Variants in SCN9A observed in about 807,000 individuals in gnomAD.
The protein encoded by SCN9A is sodium voltage-gated channel alpha subunit 9, also known as sodium channel protein type 9 subunit alpha.
SCN9A carries 131 observed loss-of-function variants against 187.0 expected under a neutral mutation model. That is an observed-to-expected ratio of 0.70 (90% CI 0.61 to 0.81). SCN9A has a LOEUF of 0.81. SCN9A is among the 30% of genes least tolerant of loss of function. The probability of loss-of-function intolerance (pLI) is 0.00; values close to 1 mark genes in which losing one functional copy is unlikely to be tolerated. For synonymous variants in SCN9A, 809 were observed against 808.6 expected (o/e 1.00, Z -0.01); for missense variants, 2,252 against 2,396.6 (o/e 0.94, Z 1.26).
rs77154470 is a variant in SCN9A at position 166,355,536 on chromosome 2, C to T, written c.-51+20161G>A. ...GTGTGTGTGTGGGTGTGTGTGCACA[C>T]GCTAAGGATATTGATACCTTTTCAC... On this transcript the variant is annotated intron_variant, in intron 1 of 26. Coordinates refer to ENST00000642356, the MANE Select transcript of SCN9A (RefSeq NM_001365536.1). Among the ~76,000 whole-genome samples the T allele has an allele frequency of 7.0e-3, 1,058 of 151,480 alleles. 33 individuals carry two copies. In the East Asian group the frequency reaches 0.091, roughly 13 times the overall value.
intron 1 of SCN9A, among the ~76,000 whole-genome samples, chr2:166,364,528 G>A (rs1700367819): frequency 1.3e-5 from 2 of 152,038 alleles, no homozygotes; most frequent in Admixed American, 6.6e-5. Context: ...TATATGCTAC[G>A]ACCCGGATGA....
chr2:166,291,566 A>T (rs1441504609), intron 9 of SCN9A, among the ~76,000 whole-genome samples: 1 of 152,212 alleles, frequency 6.6e-6, no homozygotes, highest in South Asian at 2.1e-4. Flanking sequence ...AGAATTAGAA[A>T]ACTACTTTAA....
At chr2:166,363,436 T>C (rs906997457) in intron 1 of SCN9A, among the ~76,000 whole-genome samples, 1 of 152,040 alleles carries the variant, frequency 6.6e-6, no homozygotes, top group African/African-American at 2.4e-5. Context: ...CCTAAATTCA[T>C]TAACTAGCTA....
intron 7 of SCN9A, among the ~76,000 whole-genome samples, chr2:166,295,500 T>C (rs1559021411): frequency 6.6e-6 from 1 of 152,036 alleles, no homozygotes; most frequent in Non-Finnish European, 1.5e-5. Flanking sequence ...ACCTGTAGAG[T>C]GGGCTACTGT....
In SCN9A at chr2:166,280,669, G is replaced by T. The variant is rs191111440; in HGVS notation, c.2105-74C>A. 1.7e-4 allele frequency: 146 copies of T among 841,202 alleles called. 2 individuals carry two copies. The East Asian group carries it at 2.0e-3, about 11-fold the overall frequency. 52.1% of individuals were successfully genotyped at this position (841,202 alleles called of 1,614,324 possible). A position where few individuals can be genotyped will look rare whatever the true frequency, so the allele number is the denominator to read the frequency against. Reference sequence around the variant, plus strand: ...CTCCTAACCAGATACAAATCAGTCAGGCATTCTAATATTGAAACAAGGTTT... The same window carrying T: ...CTCCTAACCAGATACAAATCAGTCATGCATTCTAATATTGAAACAAGGTTT... On this transcript the variant is annotated intron_variant, in intron 13 of 26. Transcript: ENST00000642356.
intron 1 of SCN9A, among the ~76,000 whole-genome samples, chr2:166,334,793 T>TA (rs1159475046): frequency 6.6e-6 from 1 of 152,238 alleles, no homozygotes; most frequent in South Asian, 2.1e-4. Context: ...AATTTTGCAT[T>TA]AAAAAATACT....
intron 2 of SCN9A, among the ~76,000 whole-genome samples, chr2:166,310,832 C>G (rs6708467): frequency 0.081 from 6,015 of 73,988 alleles, 2,397 homozygotes; most frequent in African/African-American, 0.39. Flanking sequence ...CAATAGCAAA[C>G]ACTTGGAACC....
At chr2:166,257,816 A>G (rs957896375) in intron 17 of SCN9A, among the ~76,000 whole-genome samples, 1 of 151,534 alleles carries the variant, frequency 6.6e-6, no homozygotes, top group Admixed American at 6.6e-5. Flanking sequence ...ATCCTTATTT[A>G]GGCTCTAGTT....
intron 1 of SCN9A, among the ~76,000 whole-genome samples, chr2:166,336,344 T>C (rs1289489051): frequency 1.3e-5 from 2 of 152,170 alleles, no homozygotes; most frequent in African/African-American, 4.8e-5. Flanking sequence ...ATTTAGGCTG[T>C]CTTGACAAAG....
intron 17 of SCN9A, among the ~76,000 whole-genome samples, chr2:166,263,518 A>G (rs1696602330): frequency 1.3e-5 from 2 of 151,974 alleles, no homozygotes; most frequent in South Asian, 4.1e-4. Flanking sequence ...ATGCCACCAA[A>G]TTAAACTCTG....
In SCN9A at chr2:166,366,380, T is replaced by G. The variant is rs560705198; in HGVS notation, c.-51+9317A>C. On this transcript the variant is annotated intron_variant, in intron 1 of 26. Coordinates refer to ENST00000642356, the MANE Select transcript of SCN9A (RefSeq NM_001365536.1). ...TTCTTTTTTTAAGGCTAGATAATAT[T>G]CTATTTTATATACAGACCACATTTT... is the stretch of plus-strand genomic sequence containing the variant. Among the ~76,000 whole-genome samples, 7 of 152,292 alleles carry G rather than the reference T, an allele frequency of 4.6e-5. No homozygotes were observed. The East Asian group carries it at 1.4e-3, about 29-fold the overall frequency.
intron 26 of SCN9A, 50 bp downstream of exon 26, chr2:166,203,905 G>A: frequency 8.8e-7 from 1 of 1,134,758 alleles, no homozygotes; most frequent in Non-Finnish European, 1.3e-6. Context: ...GAGCATAAGT[G>A]AAGTTTAGCT....
chr2:166,251,441 A>T (rs1000747935), intron 18 of SCN9A, among the ~76,000 whole-genome samples: 1 of 152,096 alleles, frequency 6.6e-6, no homozygotes, highest in Admixed American at 6.6e-5. Context: ...AAAGGACCAG[A>T]GTACAGACTC....
chr2:166,368,686 T>TAAA (rs67339035), intron 1 of SCN9A, among the ~76,000 whole-genome samples: 9,252 of 134,472 alleles, frequency 0.069, 1,097 homozygotes, highest in African/African-American at 0.24. Context: ...GAAACTTAAT[T>TAAA]AAAAAAAAAA....
rs1196339793 is a variant in SCN9A at position 166,218,432 on chromosome 2, TA to T, written c.4398+8134del. On this transcript the variant is annotated intron_variant, in intron 24 of 26. Coordinates refer to ENST00000642356, the MANE Select transcript of SCN9A (RefSeq NM_001365536.1). ...AATAAAAAAATAAATAAATAAAAAATAAAAAAGTGAGAAGTCAACATTACAG... is the reference window on the plus strand; with the variant it reads ...AATAAAAAAATAAATAAATAAAAAATAAAAAGTGAGAAGTCAACATTACAG... Among the ~76,000 whole-genome samples, 30 of 143,144 alleles carry T rather than the reference TA, an allele frequency of 2.1e-4. No individual in the cohort carries two copies. In the East Asian group the frequency reaches 3.6e-3, roughly 17 times the overall value. 93.9% of individuals were successfully genotyped at this position (143,144 alleles called of 152,430 possible).
intron 22 of SCN9A, among the ~76,000 whole-genome samples, 178 bp downstream of exon 22, chr2:166,228,500 GCCCACCTTGGCCT>G: frequency 6.6e-6 from 1 of 151,946 alleles, no homozygotes; most frequent in Non-Finnish European, 1.5e-5. Context: ...CTCATGATCT[GCCCACCTTGGCCT>G]CCCAAAGTGA....
chr2:166,205,236 G>A (rs1693741473), intron 24 of SCN9A: 1 of 152,198 alleles, frequency 6.6e-6, no homozygotes, highest in Non-Finnish European at 1.5e-5. Flanking sequence ...AAAGCTGGAG[G>A]CGTCACACTA....
At chr2:166,352,742 G>A (rs780494441) in intron 1 of SCN9A, among the ~76,000 whole-genome samples, 11 of 152,186 alleles carry the variant, frequency 7.2e-5, no homozygotes, top group South Asian at 2.1e-4. Flanking sequence ...AGACTTCCAC[G>A]TTAATCAAAC....
intron 1 of SCN9A, among the ~76,000 whole-genome samples, chr2:166,362,152 G>A (rs1368556774): frequency 1.3e-5 from 2 of 152,064 alleles, no homozygotes; most frequent in East Asian, 3.8e-4. Context: ...GGTTTGAGGA[G>A]TCTAAAGGAA....
Sources: gnomAD v4.1 joint callset for allele counts (sites outside exome capture counted in the v4.1 genomes callset) on GRCh38, gnomAD v4.1.1 for gene constraint, MANE v1.5 for transcripts, NCBI Gene and HGNC (gene_info 2026-07-23, HGNC 2026-07-21) for gene names.